The following SOX5 variants were observed in gnomAD, a reference collection of about 807,000 sequenced individuals.
SOX5 encodes the protein SRY-box transcription factor 5, also known as transcription factor SOX-5.
SOX5 carries 9 observed loss-of-function variants against 92.0 expected under a neutral mutation model. That is an observed-to-expected ratio of 0.10 (90% CI 0.06 to 0.17). The LOEUF (loss-of-function observed/expected upper bound fraction) is 0.17. Among genes scored for constraint, SOX5 ranks in the 10% least tolerant of loss-of-function variants. The pLI, the probability that SOX5 is intolerant of heterozygous loss-of-function variation, is 1.00. For synonymous variants in SOX5, 344 were observed against 336.3 expected (o/e 1.02, Z -0.25); for missense variants, 642 against 944.5 (o/e 0.68, Z 4.20).
intron 2 of SOX5, chr12:24,368,462 T>A (rs1264502011): frequency 1.3e-5 from 2 of 152,238 alleles, no homozygotes; most frequent in Admixed American, 1.3e-4. Context: ...TGCCAAATAC[T>A]TGCAAAATTT....
chr12:23,679,012 A>G (rs1205623739), intron 6 of SOX5, among the ~76,000 whole-genome samples: 2 of 152,198 alleles, frequency 1.3e-5, no homozygotes, highest in Non-Finnish European at 2.9e-5. Context: ...AAATTCTTCT[A>G]AAGTATGGAT....
chr12:23,894,907 G>A (rs536671155), intron 2 of SOX5, among the ~76,000 whole-genome samples: 144 of 152,210 alleles, frequency 9.5e-4, no homozygotes, highest in Admixed American at 1.8e-3. Flanking sequence ...AGAAAAGGTG[G>A]AGCAGTCACA....
chr12:24,087,936 G>A (rs1414687089), intron 4 of SOX5, among the ~76,000 whole-genome samples: 1 of 151,998 alleles, frequency 6.6e-6, no homozygotes, highest in African/African-American at 2.4e-5. Flanking sequence ...GGTCTTGGGT[G>A]TAATGAAGGA....
At chr12:24,513,094 C>G (rs1304322405) in intron 1 of SOX5, among the ~76,000 whole-genome samples, 3 of 152,188 alleles carry the variant, frequency 2.0e-5, no homozygotes, top group African/African-American at 7.2e-5. Flanking sequence ...GCCGCAGCTC[C>G]CAGTCAGCCA....
chr12:24,078,788 G>C (rs1021203562), intron 4 of SOX5, among the ~76,000 whole-genome samples: 3 of 151,816 alleles, frequency 2.0e-5, no homozygotes, highest in African/African-American at 4.8e-5. Flanking sequence ...GAACTACAAG[G>C]GTTTTCGAAA....
chr12:23,536,900 AAC>A lies in SOX5; in HGVS notation c.1772-233_1772-232del, dbSNP rs1940616358. On this transcript the variant is annotated intron_variant, in intron 13 of 14. Transcript: ENST00000451604. ...TTTTTTCTGGTTTGCATTCTAGCCAAACTTTTGTATTATGTCCCTTAAAGCTC... is the reference window on the plus strand; with the variant it reads ...TTTTTTCTGGTTTGCATTCTAGCCAATTTTGTATTATGTCCCTTAAAGCTC... Among the ~76,000 whole-genome samples the A allele has an allele frequency of 1.5e-4, 23 of 152,228 alleles. No individual in the cohort carries two copies. The South Asian group carries it at 4.6e-3, about 30-fold the overall frequency.
intron 3 of SOX5, among the ~76,000 whole-genome samples, chr12:24,268,512 T>C (rs1408488774): frequency 2.0e-5 from 3 of 152,180 alleles, no homozygotes; most frequent in South Asian, 2.1e-4. Flanking sequence ...CAATGAGAAA[T>C]AGAAATAGAC....
chr12:24,034,734 C>T (rs1364161522), intron 4 of SOX5, among the ~76,000 whole-genome samples: 1 of 151,956 alleles, frequency 6.6e-6, no homozygotes, highest in African/African-American at 2.4e-5. Context: ...TCATGGCCTA[C>T]GTATTATACT....
intron 2 of SOX5, among the ~76,000 whole-genome samples, chr12:24,343,499 CATAAAT>C (rs1305565844): frequency 6.6e-6 from 1 of 151,084 alleles, no homozygotes; most frequent in Non-Finnish European, 1.5e-5. Flanking sequence ...TTAATATGGA[CATAAAT>C]ATAAAGTATA....
At chr12:23,569,388 GT>G (rs1947741918) in intron 10 of SOX5, among the ~76,000 whole-genome samples, 1 of 152,076 alleles carries the variant, frequency 6.6e-6, no homozygotes, top group Non-Finnish European at 1.5e-5. Flanking sequence ...AGTTAAAAAG[GT>G]TTAATTGCAT....
chr12:23,596,368 G>C (rs1273223130), intron 9 of SOX5, among the ~76,000 whole-genome samples: 1 of 152,132 alleles, frequency 6.6e-6, no homozygotes, highest in Non-Finnish European at 1.5e-5. Flanking sequence ...TAAGACATCA[G>C]TAATTGTTGT....
chr12:24,103,527 T>C (rs990387525), intron 4 of SOX5, among the ~76,000 whole-genome samples: 7 of 152,144 alleles, frequency 4.6e-5, no homozygotes, highest in Non-Finnish European at 8.8e-5. Context: ...GCTAATATTT[T>C]TATTTTTTGC....
chr12:24,239,959 C>T (rs884441), intron 3 of SOX5, among the ~76,000 whole-genome samples: 33,181 of 151,994 alleles, frequency 0.22, 3,721 homozygotes, highest in African/African-American at 0.28. Context: ...AGGGAATACA[C>T]GGCTCCAGAT....
chr12:23,892,192 T>C (rs1425675416), intron 2 of SOX5, among the ~76,000 whole-genome samples: 2 of 152,220 alleles, frequency 1.3e-5, no homozygotes, highest in Admixed American at 1.3e-4. Flanking sequence ...AGTAACCATT[T>C]TGCCTTGGGA....
chr12:23,761,232 T>C (rs2094554290), intron 3 of SOX5, among the ~76,000 whole-genome samples: 1 of 152,124 alleles, frequency 6.6e-6, no homozygotes, highest in African/African-American at 2.4e-5. Context: ...AGATAAGCAC[T>C]TCATAAAAGC....
chr12:23,637,810 T>C (rs1271219362), intron 8 of SOX5, among the ~76,000 whole-genome samples: 2 of 152,154 alleles, frequency 1.3e-5, no homozygotes, highest in Non-Finnish European at 2.9e-5. Context: ...TGGTGGTGTA[T>C]TATGTAACTA....
At chr12:23,746,636 C>T (rs2093993757) in intron 4 of SOX5, among the ~76,000 whole-genome samples, 1 of 152,100 alleles carries the variant, frequency 6.6e-6, no homozygotes, top group South Asian at 2.1e-4. Context: ...GCATAGCAGT[C>T]ATTTATACTT....
intron 4 of SOX5, among the ~76,000 whole-genome samples, chr12:24,153,798 C>T (rs1051539518): frequency 2.0e-5 from 3 of 152,090 alleles, no homozygotes; most frequent in Non-Finnish European, 2.9e-5. Context: ...AAAAGTACAA[C>T]GAATTTTATC....
chr12:24,239,282 G>A (rs1361541383), intron 3 of SOX5, among the ~76,000 whole-genome samples: 8 of 152,000 alleles, frequency 5.3e-5, no homozygotes, highest in Admixed American at 4.6e-4. Context: ...GTAGCTCCCT[G>A]AATCAAAAAA....
Sources: gnomAD v4.1 joint callset for allele counts (sites outside exome capture counted in the v4.1 genomes callset) on GRCh38, gnomAD v4.1.1 for gene constraint, MANE v1.5 for transcripts, NCBI Gene and HGNC (gene_info 2026-07-23, HGNC 2026-07-21) for gene names.